PRKCE: variants seen among roughly 807,000 people sequenced by gnomAD.
PRKCE encodes protein kinase C epsilon type.
PRKCE carries 16 observed loss-of-function variants against 85.4 expected under a neutral mutation model. The ratio of observed to expected loss-of-function variants is 0.19; its 90% CI spans 0.13 to 0.28. PRKCE has a LOEUF of 0.28. Ranked by LOEUF, PRKCE falls within the 10% of genes least tolerant of loss-of-function variation. PRKCE has a pLI of 1.00. For synonymous variants in PRKCE, 388 were observed against 371.5 expected, an observed-to-expected ratio of 1.04 and a Z score of -0.51; for missense variants, 573 against 975.2, an observed-to-expected ratio of 0.59 and a Z score of 5.49.
intron 11 of PRKCE, among the ~76,000 whole-genome samples, chr2:46,107,670 C>A (rs1009050160): frequency 4.6e-5 from 7 of 152,206 alleles, no homozygotes; most frequent in African/African-American, 1.7e-4. Context: ...TTTTGCATTT[C>A]TATCAACAGT....
At chr2:46,059,571 A>G (rs1666916027) in intron 10 of PRKCE, among the ~76,000 whole-genome samples, 1 of 152,156 alleles carries the variant, frequency 6.6e-6, no homozygotes, top group Non-Finnish European at 1.5e-5. Flanking sequence ...ATTTGCAGAG[A>G]TTAGTTATTT....
rs1686650164 is a variant in PRKCE at position 45,786,996 on chromosome 2, A to T, written c.349-56004A>T. 6.6e-6 allele frequency among the ~76,000 whole-genome samples: 1 copy of T among 152,224 alleles called. No individual in the cohort carries two copies. The highest frequency in any genetic ancestry group is 2.4e-5 in the African/African-American group (1 of 41,448). Reference sequence around the variant, plus strand: ...GCTTTGGTTCAAGTCGGGATTTCCCATCGGTTTCCCCTGGATCCGATGATC... The same window carrying T: ...GCTTTGGTTCAAGTCGGGATTTCCCTTCGGTTTCCCCTGGATCCGATGATC... On this transcript the variant is annotated intron_variant, in intron 1 of 14. Transcript: ENST00000306156. This position sits in a 1 kb window ranked among gnomAD's most constrained non-coding sequence, Gnocchi z 5.3.
intron 1 of PRKCE, chr2:45,678,024 A>G (rs897782711): frequency 2.2e-6 from 1 of 449,958 alleles, no homozygotes; most frequent in Non-Finnish European, 2.9e-6. Context: ...CAATCGAAGA[A>G]GTTGGTGGTT....
intron 2 of PRKCE, among the ~76,000 whole-genome samples, chr2:45,906,385 C>T (rs1696976229): frequency 6.6e-6 from 1 of 152,226 alleles, no homozygotes; most frequent in Admixed American, 6.5e-5. Flanking sequence ...GGATCTTCAG[C>T]TGCAGAATTG....
At chr2:45,747,149 G>A (rs939211259) in intron 1 of PRKCE, among the ~76,000 whole-genome samples, 6 of 152,098 alleles carry the variant, frequency 3.9e-5, no homozygotes, top group African/African-American at 1.5e-4. Flanking sequence ...CATCTCCACA[G>A]TATGTAATAT....
In PRKCE at chr2:45,703,032, C is replaced by A. The variant is rs1329907897; in HGVS notation, c.348+50584C>A. ...GAGAAAGCCTTTTTTCCCCCCCCGT[C>A]AGGAAGTCAGTCCTTATTCCTAACT... is the stretch of plus-strand genomic sequence containing the variant. On this transcript the variant is annotated intron_variant, in intron 1 of 14. Coordinates refer to ENST00000306156, the MANE Select transcript of PRKCE (RefSeq NM_005400.3). 4.8e-5 allele frequency among the ~76,000 whole-genome samples: 7 copies of A among 144,466 alleles called. No individual in the cohort carries two copies. The East Asian group carries it at 1.0e-3, about 21-fold the overall frequency. The allele number at this position is 144,466 out of a possible 152,430, so 94.8% of individuals were successfully genotyped here.
intron 2 of PRKCE, among the ~76,000 whole-genome samples, chr2:45,879,920 T>C (rs1694759899): frequency 6.6e-6 from 1 of 152,246 alleles, no homozygotes; most frequent in Non-Finnish European, 1.5e-5. Flanking sequence ...TGAAATTATA[T>C]ATTAACTATA....
intron 1 of PRKCE, among the ~76,000 whole-genome samples, chr2:45,727,665 T>G (rs1048593796): frequency 3.9e-5 from 6 of 152,178 alleles, no homozygotes; most frequent in Non-Finnish European, 7.3e-5. Flanking sequence ...TTATTTTATT[T>G]TATTTTTAAG....
At chr2:45,789,110 A>T (rs1189561923) in intron 1 of PRKCE, among the ~76,000 whole-genome samples, 1 of 151,990 alleles carries the variant, frequency 6.6e-6, no homozygotes, top group Non-Finnish European at 1.5e-5. Context: ...GACAGATGAC[A>T]GGTTCTTGGT....
At chr2:45,703,416 T>C (rs1375355919) in intron 1 of PRKCE, among the ~76,000 whole-genome samples, 1 of 152,112 alleles carries the variant, frequency 6.6e-6, no homozygotes, top group Non-Finnish European at 1.5e-5. Context: ...CATGTACTTG[T>C]AGTCCCAGCT....
At chr2:45,920,052 T>G (rs920073158) in intron 2 of PRKCE, among the ~76,000 whole-genome samples, 1 of 152,166 alleles carries the variant, frequency 6.6e-6, no homozygotes, top group Non-Finnish European at 1.5e-5. Flanking sequence ...GTACATGTAT[T>G]TGTGGCCCCA....
At chr2:45,926,527 G>A (rs922338469) in intron 2 of PRKCE, among the ~76,000 whole-genome samples, 6 of 152,164 alleles carry the variant, frequency 3.9e-5, no homozygotes, top group African/African-American at 1.4e-4. Flanking sequence ...ATATTACATA[G>A]CTCTTCCATA....
At chr2:45,982,450 C>A (rs1398389586) in intron 5 of PRKCE, among the ~76,000 whole-genome samples, 2 of 152,218 alleles carry the variant, frequency 1.3e-5, no homozygotes, top group Non-Finnish European at 2.9e-5. Flanking sequence ...CGGTCCCCCC[C>A]ATCTCATGTC....
intron 2 of PRKCE, among the ~76,000 whole-genome samples, chr2:45,888,374 A>G (rs1158491611): frequency 5.3e-5 from 8 of 151,748 alleles, no homozygotes; most frequent in African/African-American, 1.9e-4. Flanking sequence ...CTAGATGTGG[A>G]TACAGCATAC....
intron 1 of PRKCE, among the ~76,000 whole-genome samples, chr2:45,829,251 C>A (rs1435673644): frequency 3.3e-5 from 5 of 152,154 alleles, no homozygotes; most frequent in Non-Finnish European, 7.4e-5. Flanking sequence ...CCAAAACATT[C>A]TTTATAAATT....
chr2:46,067,477 C>T (rs112465151), intron 10 of PRKCE, among the ~76,000 whole-genome samples: 22 of 152,314 alleles, frequency 1.4e-4, no homozygotes, highest in African/African-American at 5.3e-4. Flanking sequence ...TGTGGCCTGG[C>T]CTTTGCTCCC....
intron 2 of PRKCE, among the ~76,000 whole-genome samples, chr2:45,914,012 C>G (rs1240571490): frequency 2.0e-5 from 3 of 152,190 alleles, no homozygotes; most frequent in African/African-American, 7.2e-5. Context: ...CTTAATGGAG[C>G]CTAGTACTTT....
intron 1 of PRKCE, among the ~76,000 whole-genome samples, chr2:45,753,241 G>A (rs1683731567): frequency 6.6e-6 from 1 of 152,090 alleles, no homozygotes; most frequent in African/African-American, 2.4e-5. Context: ...TCCTCCCCAT[G>A]TTTCTGATTA....
chr2:45,805,044 A>G (rs1008238605), intron 1 of PRKCE, among the ~76,000 whole-genome samples: 2 of 151,960 alleles, frequency 1.3e-5, no homozygotes, highest in African/African-American at 4.8e-5. Context: ...GATATATGGA[A>G]GCCAAGGAAA....
Sources: allele counts gnomAD v4.1 joint callset (sites outside exome capture counted in the v4.1 genomes callset), GRCh38; gene constraint gnomAD v4.1.1; non-coding constraint Gnocchi (gnomAD v3.1); transcripts MANE v1.5; gene names NCBI Gene and HGNC (gene_info 2026-07-23, HGNC 2026-07-21).